The following FRMD8 variants were observed in gnomAD, a reference collection of about 807,000 sequenced individuals.
FRMD8 encodes FERM domain-containing protein 8.
In FRMD8, 37 loss-of-function variants were observed where a neutral mutation model predicts 54.2. The ratio of observed to expected loss-of-function variants is 0.68; its 90% CI spans 0.53 to 0.90. The LOEUF (loss-of-function observed/expected upper bound fraction) is 0.90, where lower values mean the gene tolerates loss of function less well. Ranked by LOEUF, FRMD8 falls within the 40% of genes least tolerant of loss-of-function variation. FRMD8 has a pLI of 0.00. For missense variants in FRMD8, 585 were observed against 653.7 expected, an observed-to-expected ratio of 0.89 and a Z score of 1.15; for synonymous variants, 246 against 286.9, an observed-to-expected ratio of 0.86 and a Z score of 1.44.
At chr11:65,380,451 T>A in the FRMD8 span, 27 of 1,138,826 alleles carry the variant, frequency 2.4e-5, no homozygotes, top group Non-Finnish European at 3.1e-5. Context: ...GCCAAAGACG[T>A]ACGTGTCCTC....
At chr11:65,388,171 A>G (rs944737711) in intron 2 of FRMD8, among the ~76,000 whole-genome samples, 1 of 152,088 alleles carries the variant, frequency 6.6e-6, no homozygotes, top group African/African-American at 2.4e-5. Context: ...TCTCAAAAAA[A>G]AAAAAAAACA....
At chr11:65,401,224 A>G (rs1856071682) in intron 9 of FRMD8, among the ~76,000 whole-genome samples, 1 of 151,804 alleles carries the variant, frequency 6.6e-6, no homozygotes, top group Admixed American at 6.6e-5. Flanking sequence ...GGGCGTGGAA[A>G]CGTTGGGCCT....
At chr11:65,374,623 T>C in the FRMD8 span, among the ~76,000 whole-genome samples, 3 of 152,092 alleles carry the variant, frequency 2.0e-5, no homozygotes, top group African/African-American at 7.2e-5. Context: ...CTCAATTTTG[T>C]TGTCAGTTAA....
rs34830519 is a variant in FRMD8 at position 65,412,342 on chromosome 11, T to TA, written c.*983dup. ...GGGCAACGCCAGGAAGTGCCCTGGG[T>TA]ACCTCTGCTGTGCGCTCCTTCCCAG... On this transcript the variant is annotated 3_prime_UTR_variant, in exon 11 of 11. Coordinates refer to ENST00000317568, the MANE Select transcript of FRMD8 (RefSeq NM_031904.5). 149,149 of 152,432 alleles carry TA rather than the reference T, an allele frequency of 0.98. 73,061 individuals are homozygous for TA. Among genetic ancestry groups the TA allele is most frequent in the East Asian group, 1 (5,170 of 5,170 alleles). 9.4% of individuals were successfully genotyped at this position (152,432 alleles called of 1,614,324 possible). A position where few individuals can be genotyped will look rare whatever the true frequency, so the allele number is the denominator to read the frequency against.
At chr11:65,410,372 G>A (rs1344647671) in intron 10 of FRMD8, among the ~76,000 whole-genome samples, 2 of 151,820 alleles carry the variant, frequency 1.3e-5, no homozygotes, top group Non-Finnish European at 2.9e-5. Context: ...GCGCACACCT[G>A]TAGTCCCAGC....
intron 3 of FRMD8, among the ~76,000 whole-genome samples, chr11:65,389,952 A>G (rs1345470817): frequency 6.6e-6 from 1 of 152,142 alleles, no homozygotes; most frequent in Non-Finnish European, 1.5e-5. Context: ...GGGTGGCGAG[A>G]CCACTGTGTG....
intron 10 of FRMD8, among the ~76,000 whole-genome samples, chr11:65,407,609 G>A (rs1430307056): frequency 6.6e-6 from 1 of 151,682 alleles, no homozygotes; most frequent in East Asian, 2.0e-4. Flanking sequence ...AAAAAGAAAT[G>A]GCCAGGCGTG....
rs776360172 is a variant in FRMD8, at chr11:65,394,349, G to A, written c.505G>A (p.Glu169Lys). The change falls in exon 6 of 11, where the codon GAG becomes AAG. Residue 169 changes from glutamate to lysine, a missense_variant. Physicochemically the swap from Glu to Lys is moderately conservative, Grantham distance 56. Coordinates refer to ENST00000317568, the MANE Select transcript of FRMD8 (RefSeq NM_031904.5). The stretch of plus-strand genomic sequence containing the variant: ...GTACCCGTGCGACGTGGAGGACTGC[G>A]AGGCTCTGGGCGCCCTGGTGTGCCG... ...ARYPCDVEDC[E>K]ALGALVCRVQ... The A allele has an allele frequency of 7.0e-6, 11 of 1,580,844 alleles. No individual in the cohort carries two copies. Among genetic ancestry groups the A allele is most frequent in the Admixed American group, 5.5e-5 (3 of 54,818 alleles).
At chr11:65,402,599 G>A (rs1255307335) in intron 9 of FRMD8, among the ~76,000 whole-genome samples, 5 of 152,090 alleles carry the variant, frequency 3.3e-5, no homozygotes, top group African/African-American at 1.2e-4. Flanking sequence ...GAATCAGCTT[G>A]TTGATTTGTA....
the FRMD8 span, among the ~76,000 whole-genome samples, chr11:65,368,712 C>T: frequency 6.6e-5 from 10 of 152,158 alleles, no homozygotes; most frequent in East Asian, 1.5e-3. Flanking sequence ...TACAGGTGCC[C>T]GCCACCATGC....
chr11:65,382,263 T>G, upstream of FRMD8: 1 of 454,444 alleles, frequency 2.2e-6, no homozygotes, highest in Non-Finnish European at 4.1e-6. The surrounding 1 kb of genome is among the most constrained non-coding windows in gnomAD (Gnocchi z 4.4). Context: ...TCCTGCCCCA[T>G]GGTCGGGCCC....
chr11:65,405,180 T>G, intron 10 of FRMD8, 112 bp downstream of exon 10: 1 of 1,059,664 alleles, frequency 9.4e-7, no homozygotes, highest in Non-Finnish European at 1.4e-6. Flanking sequence ...CAGTGTGAGC[T>G]GGCCTCCATC....
chr11:65,377,234 T>C, the FRMD8 span: 1 of 1,433,940 alleles, frequency 7.0e-7, no homozygotes, highest in Non-Finnish European at 9.1e-7. Flanking sequence ...GTGGCTGGGA[T>C]GGCCAGGATG....
At position 65,386,783 on chromosome 11, in the gene FRMD8, G is replaced by T. The variant is rs1466062968; in HGVS notation, c.-1+22G>T. 5.6e-6 allele frequency: 3 copies of T among 538,594 alleles called. 1 individual carries two copies. The Admixed American group carries it at 1.1e-4, about 20-fold the overall frequency. The allele number at this position is 538,594 out of a possible 1,614,324, so 33.4% of individuals were successfully genotyped here. A position where few individuals can be genotyped will look rare whatever the true frequency, so the allele number is the denominator to read the frequency against. On this transcript the variant is annotated intron_variant, in intron 1 of 10. Transcript: ENST00000317568. ...CGAGGTGAGAGCACAGCGACGTCTG[G>T]CCCGGGCCTCCGTCCCCGGCTGGGC...
intron 6 of FRMD8, among the ~76,000 whole-genome samples, chr11:65,395,674 C>T (rs889046166): frequency 4.6e-5 from 7 of 152,178 alleles, no homozygotes; most frequent in South Asian, 4.1e-4. Context: ...TCATGTGGGG[C>T]GGGGGAGATG....
At chr11:65,375,592 A>C in the FRMD8 span, 5 of 152,504 alleles carry the variant, frequency 3.3e-5, no homozygotes, top group Non-Finnish European at 5.9e-5. Flanking sequence ...CCTCGTGGGG[A>C]GGGAGGAACC....
At chr11:65,408,896 C>T (rs995898041) in intron 10 of FRMD8, among the ~76,000 whole-genome samples, 1 of 151,968 alleles carries the variant, frequency 6.6e-6, no homozygotes, top group African/African-American at 2.4e-5. Flanking sequence ...CAGATGTGAG[C>T]ACCGTGCCTG....
chr11:65,373,974 G>A, the FRMD8 span, among the ~76,000 whole-genome samples: 1 of 152,184 alleles, frequency 6.6e-6, no homozygotes, highest in African/African-American at 2.4e-5. Context: ...TACCCACTGA[G>A]TCAGGATGAA....
At chr11:65,399,659 G>A (rs1172946774) in intron 7 of FRMD8, 77 bp from the exon 8 acceptor site, 1 of 1,558,772 alleles carries the variant, frequency 6.4e-7, no homozygotes, top group Non-Finnish European at 8.7e-7. Context: ...GTTCCTCAGA[G>A]CCCAGGTTGG....
Sources: gnomAD v4.1 joint callset for allele counts (sites outside exome capture counted in the v4.1 genomes callset) on GRCh38, gnomAD v4.1.1 for gene constraint, Gnocchi (gnomAD v3.1) non-coding constraint, MANE v1.5 for transcripts, NCBI Gene and HGNC (gene_info 2026-07-23, HGNC 2026-07-21) for gene names.